Variants in AGR2 observed in about 807,000 individuals in gnomAD.
AGR2 encodes anterior gradient protein 2 homolog.
A neutral mutation model predicts 25.9 loss-of-function variants in AGR2; 27 were observed. That is an observed-to-expected ratio of 1.04 (90% CI 0.77 to 1.44). The LOEUF is 1.44. Ranked by LOEUF, AGR2 falls within the 40% of genes most tolerant of loss-of-function variation. The probability of loss-of-function intolerance (pLI) is 0.00; values close to 1 mark genes in which losing one functional copy is unlikely to be tolerated. For missense variants in AGR2, 182 were observed against 200.9 expected (o/e 0.91, Z 0.57); for synonymous variants, 78 against 72.0 (o/e 1.08, Z -0.42).
rs1221359058 is a variant in AGR2, at chr7:16,801,776, T to C, written c.21A>G (p.Ser7=). The change falls in exon 2 of 8, where the codon TCA becomes TCG. Residue 7 remains serine, a synonymous_variant. Transcript: ENST00000419304. MEKIPV[S]AFLLLVALSY... is the part of the protein sequence containing the mutation. ...AGAGGGCCACAAGGAGCAAGAATGC[T>C]GACACTGGAATTTTCTCCATGGCAA... is the stretch of plus-strand genomic sequence containing the variant. 11 of 1,609,544 alleles carry C rather than the reference T, an allele frequency of 6.8e-6. No individual in the cohort carries two copies. Among genetic ancestry groups the C allele is most frequent in the Admixed American group, 1.7e-5 (1 of 59,490 alleles).
At chr7:16,795,690 G>T (rs183035825) in intron 6 of AGR2, among the ~76,000 whole-genome samples, 2 of 152,184 alleles carry the variant, frequency 1.3e-5, no homozygotes, top group East Asian at 3.9e-4. Context: ...TAAAATTAAG[G>T]TGCATCCAAA....
At chr7:16,793,008 G>A (rs1313937195) in intron 7 of AGR2, 51 bp from the exon 8 acceptor site, 10 of 1,536,292 alleles carry the variant, frequency 6.5e-6, no homozygotes, top group Non-Finnish European at 9.0e-6. Flanking sequence ...GCGTTATATC[G>A]ATATAATAAA....
In AGR2 at chr7:16,793,005, A is replaced by T. The variant is rs746956940; in HGVS notation, c.479-48T>A. 3.2e-6 allele frequency: 5 copies of T among 1,544,684 alleles called. No individual in the cohort carries two copies. In the East Asian group the frequency reaches 1.1e-4, roughly 35 times the overall value. Reference sequence around the variant, plus strand: ...GAGTCAAGACACCATCGTGCGTTATATCGATATAATAAACCCCAAACTTGG... The same window carrying T: ...GAGTCAAGACACCATCGTGCGTTATTTCGATATAATAAACCCCAAACTTGG... On this transcript the variant is annotated intron_variant, in intron 7 of 7. Transcript: ENST00000419304.
intron 7 of AGR2, chr7:16,794,529 C>G (rs1356108280): frequency 3.1e-6 from 1 of 326,086 alleles, no homozygotes; most frequent in Non-Finnish European, 5.5e-6. Context: ...TAAACTGAAC[C>G]TGAATTTAAT....
chr7:16,794,891 G>A, intron 7 of AGR2, 45 bp downstream of exon 7: 1 of 1,613,250 alleles, frequency 6.2e-7, no homozygotes, highest in Non-Finnish European at 8.5e-7. Context: ...CAGCAATAGA[G>A]GTGTTCAACT....
intron 7 of AGR2, 124 bp from the exon 8 acceptor site, chr7:16,793,081 C>G: frequency 1.2e-6 from 1 of 858,094 alleles, no homozygotes; most frequent in Non-Finnish European, 1.9e-6. Context: ...GACAAGGTCT[C>G]ACTCCCACTC....
chr7:16,793,007 C>T (rs780903230), intron 7 of AGR2, 50 bp from the exon 8 acceptor site: 18 of 1,542,000 alleles, frequency 1.2e-5, no homozygotes, highest in South Asian at 3.4e-5. Flanking sequence ...TGCGTTATAT[C>T]GATATAATAA....
intron 6 of AGR2, among the ~76,000 whole-genome samples, chr7:16,796,430 G>GT (rs1785046528): frequency 6.6e-6 from 1 of 151,988 alleles, no homozygotes; most frequent in South Asian, 2.1e-4. Flanking sequence ...TCTATTTCTT[G>GT]TTTTTCTTTT....
At chr7:16,797,981 AAG>A (rs1785078049) in intron 5 of AGR2, among the ~76,000 whole-genome samples, 1 of 152,232 alleles carries the variant, frequency 6.6e-6, no homozygotes, top group Non-Finnish European at 1.5e-5. Context: ...GGGATGAAAT[AAG>A]AGGCTATTAA....
intron 4 of AGR2, among the ~76,000 whole-genome samples, chr7:16,800,793 G>A (rs936914998): frequency 1.4e-4 from 21 of 152,168 alleles, no homozygotes; most frequent in African/African-American, 4.6e-4. Context: ...AACCAAGTTT[G>A]GGAACCTTCT....
chr7:16,804,194 T>G (rs1227106226), intron 1 of AGR2, among the ~76,000 whole-genome samples: 1 of 150,892 alleles, frequency 6.6e-6, no homozygotes, highest in Non-Finnish European at 1.5e-5. Flanking sequence ...CTCTGCAAAT[T>G]TCCTGCATAA....
At chr7:16,804,624 C>T (rs573644584) in intron 1 of AGR2, among the ~76,000 whole-genome samples, 12 of 152,146 alleles carry the variant, frequency 7.9e-5, no homozygotes, top group East Asian at 1.9e-4. Context: ...GTGACTGAGA[C>T]GAAAATCCCT....
At chr7:16,800,514 T>C (rs1030146067) in intron 4 of AGR2, among the ~76,000 whole-genome samples, 23 of 152,166 alleles carry the variant, frequency 1.5e-4, no homozygotes, top group African/African-American at 5.3e-4. Flanking sequence ...TTGGATTTAG[T>C]TCTGTGATAA....
intron 6 of AGR2, among the ~76,000 whole-genome samples, chr7:16,797,010 C>A (rs1018458288): frequency 2.6e-5 from 4 of 152,020 alleles, no homozygotes; most frequent in Admixed American, 2.0e-4. Flanking sequence ...CAACCTCTGC[C>A]TCTTGGGTTC....
chr7:16,796,244 G>T (rs1785044066), intron 6 of AGR2, among the ~76,000 whole-genome samples: 1 of 152,164 alleles, frequency 6.6e-6, no homozygotes, highest in Non-Finnish European at 1.5e-5. Context: ...TAGGACTGAA[G>T]GAATTGAATG....
intron 1 of AGR2, among the ~76,000 whole-genome samples, chr7:16,803,841 C>T (rs706071): frequency 0.77 from 116,924 of 152,152 alleles, 45,420 homozygotes; most frequent in East Asian, 0.89. Flanking sequence ...GGAATACTGG[C>T]TGGTTCAGAA....
chr7:16,795,086 C>T, intron 6 of AGR2, 67 bp from the exon 7 acceptor site: 3 of 1,551,330 alleles, frequency 1.9e-6, no homozygotes, highest in Non-Finnish European at 2.7e-6. Flanking sequence ...ATTTATTGCC[C>T]CGGGGAGCTG....
At chr7:16,803,539 A>G (rs1357556721) in intron 1 of AGR2, among the ~76,000 whole-genome samples, 1 of 152,206 alleles carries the variant, frequency 6.6e-6, no homozygotes, top group African/African-American at 2.4e-5. Flanking sequence ...TTGCTAAGCT[A>G]CCAGATCGAA....
At chr7:16,793,722 G>T (rs1784998408) in intron 7 of AGR2, among the ~76,000 whole-genome samples, 1 of 152,170 alleles carries the variant, frequency 6.6e-6, no homozygotes, top group Admixed American at 6.5e-5. Flanking sequence ...GCAGAGAGAG[G>T]CTGAGTAGCT....
Sources: gnomAD v4.1 joint callset for allele counts (sites outside exome capture counted in the v4.1 genomes callset) on GRCh38, gnomAD v4.1.1 for gene constraint, MANE v1.5 for transcripts, NCBI Gene and HGNC (gene_info 2026-07-23, HGNC 2026-07-21) for gene names.